The following AIG1 variants were observed in gnomAD, a reference collection of about 807,000 sequenced individuals.
AIG1 encodes androgen-induced gene 1 protein.
AIG1 carries 23 observed loss-of-function variants against 31.4 expected under a neutral mutation model. The observed-to-expected ratio is 0.73, with a 90% CI of 0.53 to 1.04. AIG1 has a LOEUF of 1.04. AIG1 is among the 50% of genes least tolerant of loss of function. The probability of loss-of-function intolerance (pLI) is 0.00; values close to 1 mark genes in which losing one functional copy is unlikely to be tolerated. For missense variants in AIG1, 274 were observed against 295.0 expected (o/e 0.93, Z 0.52); for synonymous variants, 100 against 110.5 (o/e 0.90, Z 0.60).
In AIG1 at chr6:143,331,321, C is replaced by T. The variant is rs1422865455; in HGVS notation, c.516-1961C>T. ...CCAAAATTTTCTCATCATCCCCCCA[C>T]ATAAACTCTGTTCCCGTTAAACAAT... On this transcript the variant is annotated intron_variant, in intron 4 of 5. Coordinates refer to ENST00000357847, the MANE Select transcript of AIG1 (RefSeq NM_016108.4). The surrounding 1 kb of genome is among the most constrained non-coding windows in gnomAD (Gnocchi z 4.1). Among the ~76,000 whole-genome samples the T allele has an allele frequency of 6.6e-6, 1 of 152,136 alleles. No individual in the cohort carries two copies. The highest frequency in any genetic ancestry group is 2.4e-5 in the African/African-American group (1 of 41,414).
intron 1 of AIG1, among the ~76,000 whole-genome samples, chr6:143,082,701 G>C (rs758914895): frequency 1.3e-5 from 2 of 152,048 alleles, no homozygotes; most frequent in Non-Finnish European, 2.9e-5. Context: ...TCCTTACTCA[G>C]GTATGCCACG....
intron 1 of AIG1, chr6:143,061,451 G>A (rs1776254043): frequency 2.2e-5 from 8 of 363,524 alleles, no homozygotes; most frequent in Non-Finnish European, 4.4e-5. Context: ...CGCCCTCAAG[G>A]TGCTTTTCAG....
chr6:143,242,787 C>T (rs546117319), intron 3 of AIG1, among the ~76,000 whole-genome samples: 101 of 152,352 alleles, frequency 6.6e-4, no homozygotes, highest in Middle Eastern at 3.4e-3. Flanking sequence ...ATTAGCCTGA[C>T]ACAAAACACT....
chr6:143,177,772 G>A (rs1188246017), intron 3 of AIG1, among the ~76,000 whole-genome samples: 1 of 152,182 alleles, frequency 6.6e-6, no homozygotes, highest in Non-Finnish European at 1.5e-5. Context: ...TCACTGGAGG[G>A]GTCAGGGTCA....
At chr6:143,323,950 C>T (rs1001169935) in intron 4 of AIG1, among the ~76,000 whole-genome samples, 8 of 152,196 alleles carry the variant, frequency 5.3e-5, no homozygotes, top group Admixed American at 2.6e-4. Flanking sequence ...CATTAGGTCT[C>T]AAGAGAGGGC....
In AIG1 at chr6:143,325,940, G is replaced by A. The variant is rs1265876122; in HGVS notation, c.516-7342G>A. Among the ~76,000 whole-genome samples the A allele has an allele frequency of 6.6e-6, 1 of 152,204 alleles. No homozygotes were observed. Among genetic ancestry groups the A allele is most frequent in the Non-Finnish European group, 1.5e-5 (1 of 68,032 alleles). ...TGGTGTGACTATTCCCACCATGGCT[G>A]AATTCAAGCTACTGACCAACCAGCT... On this transcript the variant is annotated intron_variant, in intron 4 of 5. Transcript: ENST00000357847. The surrounding 1 kb of genome is among the most constrained non-coding windows in gnomAD (Gnocchi z 4.3).
chr6:143,334,139 A>G lies in AIG1; in HGVS notation c.679+694A>G. The G allele has an allele frequency of 1.3e-6, 2 of 1,538,348 alleles. No homozygotes were observed. The highest frequency in any genetic ancestry group is 1.8e-6 in the Non-Finnish European group (2 of 1,139,022). On this transcript the variant is annotated intron_variant, in intron 5 of 5. Transcript: ENST00000357847. This position sits in a 1 kb window ranked among gnomAD's most constrained non-coding sequence, Gnocchi z 5.1. Reference sequence around the variant, plus strand: ...GCTGTGCAAAACCTGTCCAAAGTGTATGTACAATAACATAAAAATTGAAAG... The same window carrying G: ...GCTGTGCAAAACCTGTCCAAAGTGTGTGTACAATAACATAAAAATTGAAAG...
At chr6:143,207,948 A>G (rs1280581605) in intron 3 of AIG1, among the ~76,000 whole-genome samples, 9 of 152,176 alleles carry the variant, frequency 5.9e-5, no homozygotes, top group African/African-American at 1.9e-4. Context: ...TTGCTTTACC[A>G]TCTTCTAGGT....
intron 3 of AIG1, among the ~76,000 whole-genome samples, chr6:143,233,049 C>T (rs938517882): frequency 2.0e-5 from 3 of 152,146 alleles, no homozygotes; most frequent in African/African-American, 7.2e-5. Flanking sequence ...GAGGCCACCA[C>T]CAGAGGGAGG....
chr6:143,122,004 A>G (rs1782283528), intron 1 of AIG1, among the ~76,000 whole-genome samples: 2 of 152,160 alleles, frequency 1.3e-5, no homozygotes, highest in South Asian at 4.1e-4. Context: ...TAGTTTTAAA[A>G]TTAGTGTACC....
chr6:143,130,507 G>A (rs1242730686), intron 1 of AIG1, among the ~76,000 whole-genome samples: 4 of 151,672 alleles, frequency 2.6e-5, no homozygotes, highest in African/African-American at 9.7e-5. Context: ...ACGAGGTCAG[G>A]AGTTCGAAAC....
intron 3 of AIG1, among the ~76,000 whole-genome samples, chr6:143,270,352 T>G (rs1796426045): frequency 6.6e-6 from 1 of 152,180 alleles, no homozygotes; most frequent in East Asian, 1.9e-4. Context: ...AGCAAAGACC[T>G]GAAAAAGGCA....
At chr6:143,146,812 G>A (rs1434620118) in intron 2 of AIG1, among the ~76,000 whole-genome samples, 1 of 152,196 alleles carries the variant, frequency 6.6e-6, no homozygotes, top group Non-Finnish European at 1.5e-5. Context: ...TCGTGCCCAT[G>A]TGATTACCAT....
chr6:143,061,081 T>C lies in AIG1; in HGVS notation c.141+15T>C. 1 of 1,605,626 alleles carries C rather than the reference T, an allele frequency of 6.2e-7. No homozygotes were observed. ...TCATTGATCTGGTAAGGCCGTCCCC[T>C]CCCCCTGCTCGCCCCGCACCCCGTG... On this transcript the variant is annotated intron_variant, in intron 1 of 5. Transcript: ENST00000357847.
chr6:143,289,691 CTCAAGTT>C (rs1368030138), intron 4 of AIG1, among the ~76,000 whole-genome samples: 1 of 151,960 alleles, frequency 6.6e-6, no homozygotes, highest in Admixed American at 6.6e-5. Flanking sequence ...GGTTTTGTAC[CTCAAGTT>C]TCTGCTGGAA....
In AIG1 at chr6:143,333,558, C is replaced by A; in HGVS notation, c.679+113C>A. On this transcript the variant is annotated intron_variant, in intron 5 of 5. Transcript: ENST00000357847. This position sits in a 1 kb window ranked among gnomAD's most constrained non-coding sequence, Gnocchi z 4.6. Reference sequence around the variant, plus strand: ...TCTTCTTTTAGCCTTCACACAGGATCTCCTATAAAGAGCTCCATTTTTAAA... The same window carrying A: ...TCTTCTTTTAGCCTTCACACAGGATATCCTATAAAGAGCTCCATTTTTAAA... The A allele has an allele frequency of 8.8e-7, 1 of 1,134,228 alleles. No homozygotes were observed. Among genetic ancestry groups the A allele is most frequent in the Non-Finnish European group, 1.2e-6 (1 of 810,860 alleles). The allele number at this position is 1,134,228 out of a possible 1,614,324, so 70.3% of individuals were successfully genotyped here.
intron 3 of AIG1, among the ~76,000 whole-genome samples, chr6:143,224,280 T>G (rs977712850): frequency 2.0e-5 from 3 of 152,174 alleles, no homozygotes; most frequent in Non-Finnish European, 4.4e-5. Context: ...CCCTTTCCTC[T>G]TCCCAACATC....
At chr6:143,064,800 AGACTG>A (rs1460321510) in intron 1 of AIG1, among the ~76,000 whole-genome samples, 3 of 152,246 alleles carry the variant, frequency 2.0e-5, no homozygotes, top group African/African-American at 7.2e-5. Context: ...GGATTTGTAA[AGACTG>A]GACTGTCAAG....
At chr6:143,061,974 G>A (rs1436930351) in intron 1 of AIG1, among the ~76,000 whole-genome samples, 1 of 152,188 alleles carries the variant, frequency 6.6e-6, no homozygotes. Context: ...TAAAACAAAA[G>A]CAATGAAGTT....
Sources: allele counts gnomAD v4.1 joint callset (sites outside exome capture counted in the v4.1 genomes callset), GRCh38; gene constraint gnomAD v4.1.1; non-coding constraint Gnocchi (gnomAD v3.1); transcripts MANE v1.5; gene names NCBI Gene and HGNC (gene_info 2026-07-23, HGNC 2026-07-21).